The following GLG1 variants were observed in gnomAD, a reference collection of about 807,000 sequenced individuals.
The protein encoded by GLG1 is Golgi apparatus protein 1.
In GLG1, 38 loss-of-function variants were observed where a neutral mutation model predicts 160.5. The observed-to-expected ratio is 0.24, with a 90% CI of 0.18 to 0.31. GLG1 has a LOEUF of 0.31. Among genes scored for constraint, GLG1 ranks in the 10% least tolerant of loss-of-function variants. The pLI is 1.00. For synonymous variants in GLG1, 644 were observed against 543.4 expected (o/e 1.19, Z -2.57); for missense variants, 1,373 against 1,505.2 (o/e 0.91, Z 1.45).
chr16:74,583,676 A>C (rs1234288298), intron 1 of GLG1, among the ~76,000 whole-genome samples: 2 of 152,174 alleles, frequency 1.3e-5, no homozygotes, highest in African/African-American at 2.4e-5. Context: ...CACGGCACCC[A>C]GCCTAAACTT....
intron 2 of GLG1, among the ~76,000 whole-genome samples, chr16:74,526,072 C>G (rs990341170): frequency 1.3e-5 from 2 of 151,898 alleles, no homozygotes; most frequent in African/African-American, 2.4e-5. Flanking sequence ...GCCAGATACC[C>G]AAACAATTTT....
intron 1 of GLG1, among the ~76,000 whole-genome samples, chr16:74,593,763 C>T (rs1050464630): frequency 1.3e-5 from 2 of 151,934 alleles, no homozygotes; most frequent in South Asian, 2.1e-4. Context: ...AACATAATTT[C>T]TTTTGCTGTC....
intron 14 of GLG1, 66 bp from the exon 15 acceptor site, chr16:74,471,352 T>A (rs866516230): frequency 2.2e-6 from 2 of 899,308 alleles, no homozygotes. Context: ...TGTAGCCCAG[T>A]CCGAAACAAA....
chr16:74,485,196 T>C (rs918420192), intron 9 of GLG1, among the ~76,000 whole-genome samples: 4 of 152,226 alleles, frequency 2.6e-5, no homozygotes, highest in Non-Finnish European at 1.5e-5. Flanking sequence ...CATGAGCTAC[T>C]GCATCCGGCC....
chr16:74,604,494 C>T (rs2143928038), intron 1 of GLG1, among the ~76,000 whole-genome samples: 1 of 152,360 alleles, frequency 6.6e-6, no homozygotes, highest in South Asian at 2.1e-4. Context: ...ATATGCTCTG[C>T]CTTTTCATAA....
chr16:74,522,417 G>A (rs946269691), intron 2 of GLG1, among the ~76,000 whole-genome samples: 1 of 152,198 alleles, frequency 6.6e-6, no homozygotes, highest in African/African-American at 2.4e-5. Context: ...GCACTGTCAA[G>A]GTACTGGTAT....
chr16:74,606,931 C>T lies in GLG1; in HGVS notation c.164G>A (p.Gly55Asp), dbSNP rs766494895. 1.9e-6 allele frequency: 3 copies of T among 1,608,196 alleles called. No homozygotes were observed. The Admixed American group carries it at 5.1e-5, about 27-fold the overall frequency. Residue 55 changes from glycine to aspartate, a missense_variant, in exon 1 of 26, where the codon GGC becomes GAC. This residue lies in a region of GLG1 where 322 missense variants were observed against 254.6 expected (regional missense o/e 1.26). Transcript: ENST00000422840. ...NFVSFVGQAGGGGPAGQQLPQ... is the reference protein window; with the variant it reads ...NFVSFVGQAGDGGPAGQQLPQ... The stretch of plus-strand genomic sequence containing the variant: ...CAGCTGCTGACCCGCCGGGCCGCCG[C>T]CTCCGGCCTGCCCTACGAAGGACAC...
At chr16:74,502,430 A>C (rs1026817543) in intron 4 of GLG1, among the ~76,000 whole-genome samples, 4 of 152,240 alleles carry the variant, frequency 2.6e-5, no homozygotes, top group African/African-American at 9.6e-5. Flanking sequence ...ATGAAGATTA[A>C]TAATATATCA....
chr16:74,485,938 A>G, intron 8 of GLG1, 21 bp from the exon 9 acceptor site: 1 of 1,603,476 alleles, frequency 6.2e-7, no homozygotes, highest in Non-Finnish European at 8.5e-7. Flanking sequence ...ATAAATTAAG[A>G]AGGAAGAAAG....
chr16:74,591,048 C>T (rs1469968788), intron 1 of GLG1, among the ~76,000 whole-genome samples: 2 of 151,994 alleles, frequency 1.3e-5, no homozygotes, highest in Non-Finnish European at 1.5e-5. Context: ...AGAAGACTTA[C>T]AGGGCCGGAT....
Position 74,606,886 on chromosome 16 carries a change from G to A in GLG1, c.209C>T (p.Ser70Leu), listed in dbSNP as rs761881073. ...CTGCTGCTGTTGCTGCTGAAGCTGC[G>A]ATGACTGAGGCAGCTGGGGCAGCTG... ...GQQLPQLPQS[S>L]QLQQQQQQQQ... Residue 70 changes from serine to leucine, a missense_variant, in exon 1 of 26, where the codon TCG becomes TTG. Coordinates refer to ENST00000422840, the MANE Select transcript of GLG1 (RefSeq NM_001145667.2). 20 of 1,601,144 alleles carry A rather than the reference G, an allele frequency of 1.2e-5. No homozygotes were observed. The highest frequency in any genetic ancestry group is 1.5e-5 in the Non-Finnish European group (18 of 1,174,928).
chr16:74,592,834 C>T (rs9926370), intron 1 of GLG1, among the ~76,000 whole-genome samples: 1,653 of 152,184 alleles, frequency 0.011, 28 homozygotes, highest in African/African-American at 0.038. Flanking sequence ...TGGCTGCTAT[C>T]GTTTGAATAT....
At position 74,602,480 on chromosome 16, in the gene GLG1, T is replaced by C. The variant is rs536349504; in HGVS notation, c.438+4177A>G. On this transcript the variant is annotated intron_variant, in intron 1 of 25. Transcript: ENST00000422840. The stretch of plus-strand genomic sequence containing the variant: ...TAAATATGCCAGCCTCCCAACCCTG[T>C]GCCCTAAAAATAAAAGGGCGGGGCT... Among the ~76,000 whole-genome samples the C allele has an allele frequency of 4.0e-4, 61 of 152,332 alleles. 1 individual carries two copies. The Middle Eastern group carries it at 0.017, about 42-fold the overall frequency.
At chr16:74,560,097 G>A (rs1341073709) in intron 1 of GLG1, among the ~76,000 whole-genome samples, 6 of 152,078 alleles carry the variant, frequency 3.9e-5, no homozygotes, top group African/African-American at 1.2e-4. Flanking sequence ...GGCCACACGC[G>A]TTTCGCCAAA....
At chr16:74,606,337 G>A (rs1958565322) in intron 1 of GLG1, among the ~76,000 whole-genome samples, 1 of 152,130 alleles carries the variant, frequency 6.6e-6, no homozygotes, top group Non-Finnish European at 1.5e-5. Flanking sequence ...CTTCGGCGAG[G>A]AGACACTCTG....
chr16:74,509,240 G>A lies in GLG1; in HGVS notation c.472-315C>T, dbSNP rs574723666. 2.4e-3 allele frequency among the ~76,000 whole-genome samples: 332 copies of A among 138,922 alleles called. 1 individual carries two copies. The highest frequency in any genetic ancestry group is 8.0e-3 in the African/African-American group (297 of 37,122). 91.1% of individuals were successfully genotyped at this position (138,922 alleles called of 152,430 possible). A position where few individuals can be genotyped will look rare whatever the true frequency, so the allele number is the denominator to read the frequency against. ...CAGGCTGGAGTGCAACGGCGTGATC[G>A]TGGCTCACTGCAACCTCCACCTCTC... On this transcript the variant is annotated intron_variant, in intron 2 of 25. Transcript: ENST00000422840.
At chr16:74,567,837 G>T (rs2018703336) in intron 1 of GLG1, among the ~76,000 whole-genome samples, 1 of 151,776 alleles carries the variant, frequency 6.6e-6, no homozygotes, top group African/African-American at 2.4e-5. Flanking sequence ...CAAAGTGCTG[G>T]GATTACAGGC....
intron 9 of GLG1, 87 bp from the exon 10 acceptor site, chr16:74,483,211 G>T: frequency 1.3e-6 from 1 of 778,314 alleles, no homozygotes; most frequent in Non-Finnish European, 2.2e-6. Context: ...TGTAGAAGGC[G>T]GCTTTTAGTT....
In GLG1 at chr16:74,546,764, G is replaced by A. The variant is rs533452170; in HGVS notation, c.439-14611C>T. Among the ~76,000 whole-genome samples the A allele has an allele frequency of 2.5e-3, 359 of 143,124 alleles. 1 individual carries two copies. Among genetic ancestry groups the A allele is most frequent in the South Asian group, 2.4e-3 (11 of 4,500 alleles). The allele number at this position is 143,124 out of a possible 152,430, so 93.9% of individuals were successfully genotyped here. A position where few individuals can be genotyped will look rare whatever the true frequency, so the allele number is the denominator to read the frequency against. On this transcript the variant is annotated intron_variant, in intron 1 of 25. Transcript: ENST00000422840. ...GAGGCAGGAGAATCACTTGAACCTG[G>A]GAAGCGGAGGTTGCAGTGAGCTGAG...
Sources: gnomAD v4.1 joint callset for allele counts (sites outside exome capture counted in the v4.1 genomes callset) on GRCh38, gnomAD v4.1.1 for gene constraint, gnomAD v4.1.1 regional missense constraint, MANE v1.5 for transcripts, NCBI Gene and HGNC (gene_info 2026-07-23, HGNC 2026-07-21) for gene names.